The following PRMT3 variants were observed in gnomAD, a reference collection of about 807,000 sequenced individuals.
PRMT3 encodes the protein protein arginine methyltransferase 3, also known as protein arginine N-methyltransferase 3.
A neutral mutation model predicts 71.9 loss-of-function variants in PRMT3; 62 were observed. The ratio of observed to expected loss-of-function variants is 0.86; its 90% CI spans 0.70 to 1.07. The LOEUF (loss-of-function observed/expected upper bound fraction) is 1.07, where lower values mean the gene tolerates loss of function less well. Ranked by LOEUF, PRMT3 falls within the 50% of genes least tolerant of loss-of-function variation. The pLI, the probability that PRMT3 is intolerant of heterozygous loss-of-function variation, is 0.00. For synonymous variants in PRMT3, 213 were observed against 220.4 expected (o/e 0.97, Z 0.30); for missense variants, 663 against 643.0 (o/e 1.03, Z -0.34).
chr11:20,505,605 T>C (rs1851571175), intron 15 of PRMT3, among the ~76,000 whole-genome samples: 1 of 152,218 alleles, frequency 6.6e-6, no homozygotes, highest in Non-Finnish European at 1.5e-5. Flanking sequence ...TGGCTGTTCG[T>C]TCCCAGTTTT....
rs537219681 is a variant in PRMT3 at position 20,508,466 on chromosome 11, G to A, written c.*53G>A. On this transcript the variant is annotated 3_prime_UTR_variant, in exon 16 of 16. Coordinates refer to ENST00000331079, the MANE Select transcript of PRMT3 (RefSeq NM_005788.4). ...AGTTTTTAATGTGGGGGTAGAGTGG[G>A]TCAGCAGGAGGGAGCTGGTTTTATG... is the stretch of plus-strand genomic sequence containing the variant. 20 of 1,279,874 alleles carry A rather than the reference G, an allele frequency of 1.6e-5. No homozygotes were observed. In the Admixed American group the frequency reaches 2.7e-4, roughly 17 times the overall value. The allele number at this position is 1,279,874 out of a possible 1,614,324, so 79.3% of individuals were successfully genotyped here.
At chr11:20,422,224 T>C (rs1001870864) in intron 9 of PRMT3, among the ~76,000 whole-genome samples, 1 of 152,136 alleles carries the variant, frequency 6.6e-6, no homozygotes, top group Non-Finnish European at 1.5e-5. Flanking sequence ...CAGTAGTAAA[T>C]GTTGAGAGTT....
At chr11:20,414,476 C>T (rs544447298) in intron 9 of PRMT3, among the ~76,000 whole-genome samples, 2 of 152,270 alleles carry the variant, frequency 1.3e-5, no homozygotes, top group East Asian at 3.9e-4. Flanking sequence ...ACTTTGAACT[C>T]TGCAGTGAAA....
intron 13 of PRMT3, among the ~76,000 whole-genome samples, chr11:20,473,923 T>C (rs575821048): frequency 1.3e-5 from 2 of 152,100 alleles, no homozygotes; most frequent in African/African-American, 4.8e-5. Context: ...AGGTTTTTCA[T>C]TGATGTTGTT....
At chr11:20,399,638 A>G (rs1848906005) in intron 7 of PRMT3, among the ~76,000 whole-genome samples, 1 of 152,088 alleles carries the variant, frequency 6.6e-6, no homozygotes, top group Non-Finnish European at 1.5e-5. Context: ...TTTGGTATGG[A>G]AATTGTGTTG....
intron 2 of PRMT3, among the ~76,000 whole-genome samples, chr11:20,388,504 C>G (rs531898573): frequency 2.8e-4 from 42 of 152,214 alleles, no homozygotes; most frequent in Non-Finnish European, 5.7e-4. Context: ...TTTATGAGGA[C>G]AAGATCGGAA....
At chr11:20,451,240 A>T (rs1258360411) in intron 10 of PRMT3, among the ~76,000 whole-genome samples, 2 of 152,098 alleles carry the variant, frequency 1.3e-5, no homozygotes, top group Admixed American at 6.6e-5. Flanking sequence ...GTACACCAGG[A>T]TCATGTTTCA....
intron 10 of PRMT3, among the ~76,000 whole-genome samples, chr11:20,429,528 G>A (rs1019655395): frequency 7.9e-5 from 12 of 152,318 alleles, no homozygotes; most frequent in African/African-American, 2.9e-4. Flanking sequence ...GGCAGTCACT[G>A]GAGTCACTGG....
intron 13 of PRMT3, among the ~76,000 whole-genome samples, chr11:20,472,252 G>C (rs1850663941): frequency 6.6e-6 from 1 of 152,194 alleles, no homozygotes; most frequent in Non-Finnish European, 1.5e-5. Flanking sequence ...TAGGAGTGGT[G>C]AGAGAGGGCA....
rs367809370 is a variant in PRMT3, at chr11:20,432,639, C to G, written c.993+5774C>G. 5.3e-5 allele frequency among the ~76,000 whole-genome samples: 8 copies of G among 152,228 alleles called. No individual in the cohort carries two copies. The South Asian group carries it at 8.3e-4, about 16-fold the overall frequency. On this transcript the variant is annotated intron_variant, in intron 10 of 15. Transcript: ENST00000331079. ...TTTAGTTTTTTGGGGAACCTCTATA[C>G]TCTTTTTCATAATGGCTGTACTAAT...
chr11:20,504,707 T>TGTGTGTGTGAGAGAGAGA (rs1332372470), intron 15 of PRMT3, among the ~76,000 whole-genome samples: 2 of 133,590 alleles, frequency 1.5e-5, no homozygotes, highest in African/African-American at 6.1e-5. Flanking sequence ...TGTGTGTGTG[T>TGTGTGTGTGAGAGAGAGA]GAGAGAGAGA....
At chr11:20,410,564 A>G (rs1849173003) in intron 9 of PRMT3, among the ~76,000 whole-genome samples, 1 of 152,120 alleles carries the variant, frequency 6.6e-6, no homozygotes, top group African/African-American at 2.4e-5. Context: ...ATTTAAAAAT[A>G]TTATTTAAAG....
intron 10 of PRMT3, among the ~76,000 whole-genome samples, chr11:20,431,981 G>A (rs962922582): frequency 2.6e-5 from 4 of 152,042 alleles, no homozygotes; most frequent in African/African-American, 4.8e-5. Context: ...TTTTTTCATA[G>A]ATATGCTAAC....
chr11:20,499,913 G>C (rs1465204361), intron 15 of PRMT3, among the ~76,000 whole-genome samples: 2 of 152,120 alleles, frequency 1.3e-5, no homozygotes, highest in African/African-American at 4.8e-5. Context: ...GCCAAATGTA[G>C]CTATAAAACC....
intron 10 of PRMT3, among the ~76,000 whole-genome samples, chr11:20,448,273 G>C (rs546204714): frequency 1.3e-5 from 2 of 152,160 alleles, no homozygotes; most frequent in East Asian, 1.9e-4. Flanking sequence ...GCTGGCAAAC[G>C]AATCTGTATG....
intron 10 of PRMT3, among the ~76,000 whole-genome samples, chr11:20,445,558 G>A (rs1850007293): frequency 1.3e-5 from 2 of 151,986 alleles, no homozygotes; most frequent in Non-Finnish European, 2.9e-5. Context: ...ACCATACACA[G>A]AAAATTGCAT....
At chr11:20,456,699 A>G (rs1850274447) in intron 11 of PRMT3, among the ~76,000 whole-genome samples, 1 of 152,132 alleles carries the variant, frequency 6.6e-6, no homozygotes, top group African/African-American at 2.4e-5. Context: ...TTTAAAATAA[A>G]TGTTAGAATC....
At chr11:20,451,601 A>G (rs1828210278) in intron 10 of PRMT3, among the ~76,000 whole-genome samples, 1 of 152,102 alleles carries the variant, frequency 6.6e-6, no homozygotes, top group Non-Finnish European at 1.5e-5. Flanking sequence ...ATTTTGGGCC[A>G]GGCCATTCTT....
chr11:20,449,782 A>C (rs1203178084), intron 10 of PRMT3, among the ~76,000 whole-genome samples: 1 of 152,120 alleles, frequency 6.6e-6, no homozygotes, highest in East Asian at 1.9e-4. Flanking sequence ...ATAATATTAC[A>C]CATAGTATTA....
Sources: allele counts gnomAD v4.1 joint callset (sites outside exome capture counted in the v4.1 genomes callset), GRCh38; gene constraint gnomAD v4.1.1; transcripts MANE v1.5; gene names NCBI Gene and HGNC (gene_info 2026-07-23, HGNC 2026-07-21).